Variants in TENM4 observed in about 807,000 individuals in gnomAD.
TENM4 encodes teneurin transmembrane protein 4.
Under a neutral mutation model 243.3 loss-of-function variants are expected in TENM4, and 82 were observed. The observed-to-expected ratio is 0.34, with a 90% CI of 0.28 to 0.40. The LOEUF is 0.40. TENM4 is among the 10% of genes least tolerant of loss of function. The pLI is 1.00. For synonymous variants in TENM4, 1,412 were observed against 1,456.3 expected (o/e 0.97, Z 0.69); for missense variants, 3,138 against 3,673.3 (o/e 0.85, Z 3.77).
At position 78,726,145 on chromosome 11, in the gene TENM4, C is replaced by T. The variant is rs1201218759; in HGVS notation, c.3484G>A (p.Glu1162Lys). 6.2e-7 allele frequency: 1 copy of T among 1,613,916 alleles called. No individual in the cohort carries two copies. Among genetic ancestry groups the T allele is most frequent in the Non-Finnish European group, 8.5e-7 (1 of 1,179,908 alleles). The change falls in exon 23 of 34, where the codon GAA becomes AAA. Residue 1162 changes from glutamate (E) to lysine (K), a missense_variant. Physicochemically the swap from Glu to Lys is moderately conservative, Grantham distance 56. Transcript: ENST00000278550. ...EKRTTVLQGY[E>K]IDASKLGGWS... ...CCTCCAAGCTTGGACGCGTCAATTT[C>T]ATAGCCCTGCAGCACTGTTGTTCTT...
In TENM4 at chr11:79,101,348, G is replaced by A. The variant is rs191120692; in HGVS notation, c.-65-31339C>T. On this transcript the variant is annotated intron_variant, in intron 4 of 33. Coordinates refer to ENST00000278550, the MANE Select transcript of TENM4 (RefSeq NM_001098816.3). ...TTTTTCTGTGGATTTGGTGGTTCTTGATAACTTCTGAGAAATATTAGGTGG... is the reference window on the plus strand; with the variant it reads ...TTTTTCTGTGGATTTGGTGGTTCTTAATAACTTCTGAGAAATATTAGGTGG... Among the ~76,000 whole-genome samples the A allele has an allele frequency of 3.3e-3, 509 of 152,336 alleles. 3 individuals carry two copies. Among genetic ancestry groups the A allele is most frequent in the African/African-American group, 0.012 (479 of 41,590 alleles).
At chr11:78,879,609 G>A (rs928272357) in intron 9 of TENM4, among the ~76,000 whole-genome samples, 2 of 136,324 alleles carry the variant, frequency 1.5e-5, no homozygotes, top group African/African-American at 2.8e-5. Context: ...GAGTGCCTCT[G>A]CCCGGCCGCC....
intron 12 of TENM4, among the ~76,000 whole-genome samples, chr11:78,815,719 C>T (rs1857591999): frequency 6.6e-6 from 1 of 152,202 alleles, no homozygotes; most frequent in African/African-American, 2.4e-5. Flanking sequence ...TGTATTTCCA[C>T]AAATTTATCT....
chr11:79,202,538 T>C (rs1863761566), intron 3 of TENM4, among the ~76,000 whole-genome samples: 1 of 152,250 alleles, frequency 6.6e-6, no homozygotes, highest in Non-Finnish European at 1.5e-5. Flanking sequence ...CTTCTTAACC[T>C]GGAGCCTGCA....
chr11:79,137,758 T>C (rs1238979915), intron 4 of TENM4, among the ~76,000 whole-genome samples: 1 of 152,206 alleles, frequency 6.6e-6, no homozygotes, highest in Non-Finnish European at 1.5e-5. Flanking sequence ...TAAGTGTTGT[T>C]AACTTTATGT....
At chr11:78,979,056 A>G (rs1350049747) in intron 6 of TENM4, among the ~76,000 whole-genome samples, 1 of 152,080 alleles carries the variant, frequency 6.6e-6, no homozygotes, top group Non-Finnish European at 1.5e-5. Flanking sequence ...ATGCATTCAG[A>G]ATGTTTCTGC....
rs187306543 is a variant in TENM4, at chr11:78,970,722, C to T, written c.494-67199G>A. Among the ~76,000 whole-genome samples the T allele has an allele frequency of 7.9e-5, 12 of 152,266 alleles. No homozygotes were observed. The East Asian group carries it at 2.1e-3, about 27-fold the overall frequency. ...AGACAGCAGTAGCTGTAGTCTACAC[C>T]TCAAGAGGTTGCTCTGAGGGTTAAA... is the stretch of plus-strand genomic sequence containing the variant. On this transcript the variant is annotated intron_variant, in intron 6 of 33. Transcript: ENST00000278550.
intron 6 of TENM4, among the ~76,000 whole-genome samples, chr11:79,034,376 T>C (rs984822841): frequency 1.5e-4 from 23 of 152,300 alleles, no homozygotes; most frequent in African/African-American, 5.5e-4. Flanking sequence ...CATCCTTAAC[T>C]AGTGTAACCA....
chr11:79,383,198 G>C (rs1858042490), intron 1 of TENM4, among the ~76,000 whole-genome samples: 1 of 152,220 alleles, frequency 6.6e-6, no homozygotes, highest in Non-Finnish European at 1.5e-5. Context: ...GGCAGGAGGG[G>C]AAGAGCCTTG....
chr11:79,409,807 G>A (rs1021907526), intron 1 of TENM4, among the ~76,000 whole-genome samples: 5 of 152,302 alleles, frequency 3.3e-5, no homozygotes, highest in African/African-American at 1.2e-4. Context: ...ACATCTGTAG[G>A]TGGATACATA....
chr11:78,868,211 A>G (rs544929942), intron 9 of TENM4, among the ~76,000 whole-genome samples: 1 of 152,264 alleles, frequency 6.6e-6, no homozygotes, highest in Admixed American at 6.5e-5. Flanking sequence ...ACTACTCATC[A>G]TCTGTGTTAC....
chr11:79,304,255 C>T (rs1165297726), intron 1 of TENM4, among the ~76,000 whole-genome samples: 2 of 151,834 alleles, frequency 1.3e-5, no homozygotes, highest in African/African-American at 4.8e-5. Context: ...TCTCCCTGCT[C>T]ACAAAGTCCC....
chr11:79,024,819 A>T (rs553749577), intron 6 of TENM4, among the ~76,000 whole-genome samples: 1 of 152,250 alleles, frequency 6.6e-6, no homozygotes, highest in Non-Finnish European at 1.5e-5. Context: ...TTTCTACAGA[A>T]GGAAATGAGG....
intron 12 of TENM4, among the ~76,000 whole-genome samples, chr11:78,852,678 G>A (rs1401008576): frequency 6.6e-6 from 1 of 152,070 alleles, no homozygotes; most frequent in Non-Finnish European, 1.5e-5. Context: ...GTGAGACCTG[G>A]TCTAAAAAAC....
chr11:79,058,898 G>A (rs145871424), intron 6 of TENM4, among the ~76,000 whole-genome samples: 1 of 152,304 alleles, frequency 6.6e-6, no homozygotes, highest in African/African-American at 2.4e-5. Context: ...GTGTCCCATT[G>A]TACAATGAGT....
chr11:78,991,989 C>T (rs1237050834), intron 6 of TENM4, among the ~76,000 whole-genome samples: 3 of 152,154 alleles, frequency 2.0e-5, no homozygotes, highest in Non-Finnish European at 4.4e-5. Context: ...AAGGCTGGGA[C>T]AACTATGGAT....
intron 6 of TENM4, among the ~76,000 whole-genome samples, chr11:78,984,764 T>C (rs1002199282): frequency 2.6e-5 from 4 of 152,170 alleles, no homozygotes; most frequent in Non-Finnish European, 5.9e-5. Flanking sequence ...TGCTGTCCAA[T>C]ATGGTAGCGA....
intron 6 of TENM4, among the ~76,000 whole-genome samples, chr11:78,911,546 G>A (rs1370906583): frequency 6.6e-6 from 1 of 152,226 alleles, no homozygotes; most frequent in African/African-American, 2.4e-5. Context: ...TACCCCAAAT[G>A]TCATGTGTTG....
intron 6 of TENM4, among the ~76,000 whole-genome samples, chr11:79,017,074 A>G (rs1858793020): frequency 6.6e-6 from 1 of 152,248 alleles, no homozygotes; most frequent in Non-Finnish European, 1.5e-5. Flanking sequence ...AACTATAATT[A>G]TCATTAAGTG....
Sources: allele counts gnomAD v4.1 joint callset (sites outside exome capture counted in the v4.1 genomes callset), GRCh38; gene constraint gnomAD v4.1.1; transcripts MANE v1.5; gene names NCBI Gene and HGNC (gene_info 2026-07-23, HGNC 2026-07-21).